CYP39A1: variants seen among roughly 807,000 people sequenced by gnomAD.
CYP39A1 encodes 24-hydroxycholesterol 7-alpha-hydroxylase.
Under a neutral mutation model 58.1 loss-of-function variants are expected in CYP39A1, and 49 were observed. The observed-to-expected ratio is 0.84, with a 90% CI of 0.67 to 1.07. The LOEUF (loss-of-function observed/expected upper bound fraction) is 1.07, where lower values mean the gene tolerates loss of function less well. Among genes scored for constraint, CYP39A1 ranks in the 50% least tolerant of loss-of-function variants. The pLI is 0.00. For missense variants in CYP39A1, 531 were observed against 539.4 expected, an observed-to-expected ratio of 0.98 and a Z score of 0.16; for synonymous variants, 209 against 187.6, an observed-to-expected ratio of 1.11 and a Z score of -0.93.
intron 10 of CYP39A1, among the ~76,000 whole-genome samples, chr6:46,582,689 CT>C (rs147428755): frequency 1.8e-4 from 27 of 147,926 alleles, no homozygotes; most frequent in East Asian, 1.6e-3. Context: ...TTAAGTAGGG[CT>C]TTTTTTTTTC....
At chr6:46,611,819 T>C (rs887784695) in intron 7 of CYP39A1, among the ~76,000 whole-genome samples, 2 of 152,222 alleles carry the variant, frequency 1.3e-5, no homozygotes, top group Non-Finnish European at 2.9e-5. Context: ...AAAGCCAGTG[T>C]ACTGAGTCTG....
chr6:46,611,597 T>C (rs931016647), intron 7 of CYP39A1, among the ~76,000 whole-genome samples: 4 of 152,222 alleles, frequency 2.6e-5, no homozygotes, highest in Non-Finnish European at 5.9e-5. Flanking sequence ...AAGAAGTGCT[T>C]CTCTCATATT....
chr6:46,569,493 G>A (rs575229106), intron 10 of CYP39A1, among the ~76,000 whole-genome samples: 3 of 152,158 alleles, frequency 2.0e-5, no homozygotes, highest in African/African-American at 7.2e-5. Context: ...TGAGTATGAT[G>A]TTAGCTGTGG....
chr6:46,555,050 G>GACAC (rs138308277), intron 10 of CYP39A1, among the ~76,000 whole-genome samples: 8,950 of 148,442 alleles, frequency 0.06, 615 homozygotes, highest in African/African-American at 0.17. Flanking sequence ...CGCAGACACA[G>GACAC]ACACACACAC....
At chr6:46,623,613 T>C (rs1286033580) in intron 7 of CYP39A1, among the ~76,000 whole-genome samples, 2 of 152,198 alleles carry the variant, frequency 1.3e-5, no homozygotes, top group African/African-American at 4.8e-5. Flanking sequence ...TTATAATAAA[T>C]GTCTTTTGAG....
intron 7 of CYP39A1, among the ~76,000 whole-genome samples, chr6:46,603,530 T>G (rs1773642828): frequency 6.6e-6 from 1 of 152,220 alleles, no homozygotes; most frequent in Non-Finnish European, 1.5e-5. Context: ...TTTCCCCCAC[T>G]GCCTGTTCTT....
chr6:46,641,194 C>T (rs1221707495), intron 2 of CYP39A1, among the ~76,000 whole-genome samples: 2 of 151,904 alleles, frequency 1.3e-5, no homozygotes, highest in Admixed American at 6.6e-5. Flanking sequence ...TGATAGGTAA[C>T]TTAGTAAATT....
intron 10 of CYP39A1, among the ~76,000 whole-genome samples, chr6:46,564,792 G>C (rs889868588): frequency 6.6e-6 from 1 of 152,090 alleles, no homozygotes; most frequent in Non-Finnish European, 1.5e-5. Context: ...AGGAGCAAGA[G>C]GTCTGAAGTA....
At chr6:46,610,552 C>T (rs1018691313) in intron 7 of CYP39A1, among the ~76,000 whole-genome samples, 5 of 152,056 alleles carry the variant, frequency 3.3e-5, no homozygotes, top group African/African-American at 9.7e-5. Flanking sequence ...ACTATGTTGC[C>T]CAGGCTGGTC....
At chr6:46,641,016 C>T (rs529163017) in intron 2 of CYP39A1, among the ~76,000 whole-genome samples, 135 of 151,762 alleles carry the variant, frequency 8.9e-4, no homozygotes, top group Middle Eastern at 3.4e-3. Flanking sequence ...TAGTATGCTA[C>T]TATACATCTT....
chr6:46,610,452 C>T (rs1371598898), intron 7 of CYP39A1, among the ~76,000 whole-genome samples: 1 of 152,036 alleles, frequency 6.6e-6, no homozygotes, highest in African/African-American at 2.4e-5. Flanking sequence ...AGTGATCCTC[C>T]CACCTCAGCA....
chr6:46,613,867 C>T (rs538615685), intron 7 of CYP39A1, among the ~76,000 whole-genome samples: 2 of 148,678 alleles, frequency 1.3e-5, no homozygotes, highest in South Asian at 2.1e-4. Flanking sequence ...TGAGTACTTA[C>T]GCTGTCAATT....
intron 2 of CYP39A1, 28 bp downstream of exon 2, chr6:46,642,135 G>A (rs1010672059): frequency 5.6e-6 from 9 of 1,609,764 alleles, no homozygotes; most frequent in African/African-American, 1.3e-5. Context: ...GTTGGATTTC[G>A]AATGGACTAT....
chr6:46,595,060 A>T (rs1454278106), intron 8 of CYP39A1, among the ~76,000 whole-genome samples: 1 of 152,130 alleles, frequency 6.6e-6, no homozygotes, highest in African/African-American at 2.4e-5. Context: ...AGGTATAAAA[A>T]AATGCTCAAC....
chr6:46,634,980 C>T (rs1467783133), intron 5 of CYP39A1, among the ~76,000 whole-genome samples: 1 of 152,176 alleles, frequency 6.6e-6, no homozygotes, highest in African/African-American at 2.4e-5. Context: ...GTTTACACAA[C>T]AAAAATATTA....
chr6:46,584,309 G>A (rs1242242800), intron 10 of CYP39A1, among the ~76,000 whole-genome samples: 1 of 152,014 alleles, frequency 6.6e-6, no homozygotes, highest in Non-Finnish European at 1.5e-5. Flanking sequence ...TTGGTTAAGT[G>A]ATATATATAT....
intron 5 of CYP39A1, among the ~76,000 whole-genome samples, chr6:46,633,815 C>A (rs1243597645): frequency 6.6e-6 from 1 of 152,096 alleles, no homozygotes; most frequent in South Asian, 2.1e-4. Context: ...CGAGATCACA[C>A]CACTGCACTC....
intron 7 of CYP39A1, among the ~76,000 whole-genome samples, chr6:46,610,545 A>G (rs1027675792): frequency 6.6e-6 from 1 of 151,868 alleles, no homozygotes; most frequent in Admixed American, 6.6e-5. Context: ...CAATCTCACT[A>G]TGTTGCCCAG....
chr6:46,555,650 A>G (rs1770635785), intron 10 of CYP39A1, among the ~76,000 whole-genome samples: 1 of 152,222 alleles, frequency 6.6e-6, no homozygotes, highest in Non-Finnish European at 1.5e-5. Flanking sequence ...CTTCCCTTAT[A>G]GACTACAGCC....
Sources: allele counts gnomAD v4.1 joint callset (sites outside exome capture counted in the v4.1 genomes callset), GRCh38; gene constraint gnomAD v4.1.1; transcripts MANE v1.5; gene names NCBI Gene and HGNC (gene_info 2026-07-23, HGNC 2026-07-21).